Variants in RBFOX1 observed in about 807,000 individuals in gnomAD.
The protein encoded by RBFOX1 is RNA binding protein fox-1 homolog 1.
Under a neutral mutation model 57.7 loss-of-function variants are expected in RBFOX1, and 8 were observed. The ratio of observed to expected loss-of-function variants is 0.14; its 90% CI spans 0.08 to 0.25. The LOEUF is 0.25. RBFOX1 is among the 10% of genes least tolerant of loss of function. RBFOX1 has a pLI of 1.00. For missense variants in RBFOX1, 611 were observed against 548.5 expected (o/e 1.11, Z -1.14); for synonymous variants, 326 against 222.4 (o/e 1.47, Z -4.15).
intron 1 of RBFOX1, among the ~76,000 whole-genome samples, chr16:6,104,222 C>T (rs1335136212): frequency 6.6e-6 from 1 of 151,998 alleles, no homozygotes; most frequent in African/African-American, 2.4e-5. Context: ...TGATGTTTTG[C>T]TATCTGTATG....
chr16:7,394,709 C>T (rs150420816), intron 4 of RBFOX1, among the ~76,000 whole-genome samples: 124 of 152,246 alleles, frequency 8.1e-4, no homozygotes, highest in African/African-American at 2.9e-3. Context: ...TCATGTGCCC[C>T]GGTTGAGGCA....
chr16:5,500,964 C>A (rs564331142), intron 2 of RBFOX1, among the ~76,000 whole-genome samples: 1 of 152,266 alleles, frequency 6.6e-6, no homozygotes, highest in Admixed American at 6.5e-5. Flanking sequence ...TCTTCATGGG[C>A]AGGCATCATA....
At chr16:6,016,365 G>T (rs770486780), upstream of RBFOX1, among the ~76,000 whole-genome samples, 1 of 152,168 alleles carries the variant, frequency 6.6e-6, no homozygotes, top group South Asian at 2.1e-4. Flanking sequence ...GTATGTAAGG[G>T]TATTCCTGGT....
At chr16:6,173,703 G>A (rs1374208567) in intron 1 of RBFOX1, among the ~76,000 whole-genome samples, 1 of 140,304 alleles carries the variant, frequency 7.1e-6, no homozygotes, top group Non-Finnish European at 1.5e-5. Flanking sequence ...TCTGCCTCTC[G>A]GGTTCAAGTG....
intron 4 of RBFOX1, among the ~76,000 whole-genome samples, chr16:7,456,060 G>A (rs970734477): frequency 6.6e-6 from 1 of 152,096 alleles, no homozygotes; most frequent in Non-Finnish European, 1.5e-5. Flanking sequence ...CCCCGCATGT[G>A]GTCTTATGCT....
At position 7,418,801 on chromosome 16, in the gene RBFOX1, C is replaced by CCT. The variant is rs926904767; in HGVS notation, c.28-99343_28-99342dup. Among the ~76,000 whole-genome samples, 94 of 112,032 alleles carry CCT rather than the reference C, an allele frequency of 8.4e-4. 1 individual carries two copies. The highest frequency in any genetic ancestry group is 3.0e-3 in the African/African-American group (83 of 27,778). The allele number at this position is 112,032 out of a possible 152,430, so 73.5% of individuals were successfully genotyped here. A position where few individuals can be genotyped will look rare whatever the true frequency, so the allele number is the denominator to read the frequency against. On this transcript the variant is annotated intron_variant, in intron 4 of 15. Transcript: ENST00000550418. Reference sequence around the variant, plus strand: ...CTCTATCTCTGTCTTTCTCTGTCTTCCTCTGTCTCTCTCACCTCTTTTTTC... The same window carrying CCT: ...CTCTATCTCTGTCTTTCTCTGTCTTCCTCTCTGTCTCTCTCACCTCTTTTTTC...
At chr16:7,707,410 G>C (rs547584850) in intron 14 of RBFOX1, among the ~76,000 whole-genome samples, 7 of 152,262 alleles carry the variant, frequency 4.6e-5, no homozygotes, top group African/African-American at 1.7e-4. Flanking sequence ...AACAGGAAAG[G>C]AGAGGGAAAA....
At chr16:5,598,939 C>T (rs1380949680) in exon 3 of RBFOX1, 2 of 1,533,290 alleles carry the variant, frequency 1.3e-6, no homozygotes, top group African/African-American at 2.7e-5. Context: ...CTCCCCGGTG[C>T]CAAGAACAGC....
chr16:5,598,909 A>T (rs567724135), exon 3 of RBFOX1: 2 of 1,523,742 alleles, frequency 1.3e-6, no homozygotes, highest in Middle Eastern at 1.7e-4. Context: ...CAGGACTACA[A>T]GTCTGAAAAT....
intron 1 of RBFOX1, among the ~76,000 whole-genome samples, chr16:6,269,427 C>G (rs998275320): frequency 1.3e-5 from 2 of 152,120 alleles, no homozygotes; most frequent in Non-Finnish European, 2.9e-5. Flanking sequence ...GAAATCCACA[C>G]CAAGTCACAT....
At chr16:6,815,860 A>T (rs188661831) in intron 3 of RBFOX1, among the ~76,000 whole-genome samples, 61 of 151,598 alleles carry the variant, frequency 4.0e-4, no homozygotes, top group African/African-American at 1.5e-3. Context: ...GTCAACACTC[A>T]GTCTGTTTGA....
chr16:5,306,076 T>C (rs1037292335), intron 1 of RBFOX1, among the ~76,000 whole-genome samples: 1 of 127,080 alleles, frequency 7.9e-6, no homozygotes, highest in Non-Finnish European at 2.0e-5. Context: ...TGGAGTGCAC[T>C]GGGAGTCCCA....
At chr16:6,587,836 C>G (rs866578111) in intron 2 of RBFOX1, among the ~76,000 whole-genome samples, 12 of 152,330 alleles carry the variant, frequency 7.9e-5, no homozygotes, top group African/African-American at 2.6e-4. Context: ...TTTACTTTCT[C>G]TTTCTACCCT....
At chr16:6,713,609 A>G (rs572083211) in intron 3 of RBFOX1, among the ~76,000 whole-genome samples, 14 of 152,190 alleles carry the variant, frequency 9.2e-5, no homozygotes, top group African/African-American at 3.4e-4. Flanking sequence ...AAAAATAAAA[A>G]TCCTTCCTTT....
At chr16:7,308,499 G>A (rs749840842) in intron 4 of RBFOX1, among the ~76,000 whole-genome samples, 72 of 152,058 alleles carry the variant, frequency 4.7e-4, no homozygotes, top group Admixed American at 1.1e-3. Flanking sequence ...CATTAGAGGG[G>A]GCAGAAAAGA....
chr16:5,929,471 C>A (rs917207827), intron 4 of RBFOX1, among the ~76,000 whole-genome samples: 1 of 152,122 alleles, frequency 6.6e-6, no homozygotes, highest in Non-Finnish European at 1.5e-5. Context: ...AGTTTCCTCT[C>A]CTATAAGACA....
At chr16:7,340,145 A>G (rs2096865939) in intron 4 of RBFOX1, among the ~76,000 whole-genome samples, 1 of 152,252 alleles carries the variant, frequency 6.6e-6, no homozygotes, top group Admixed American at 6.5e-5. Flanking sequence ...AGAAAGCTGC[A>G]TAGACTATGA....
chr16:7,322,364 C>T (rs2096556774), intron 4 of RBFOX1, among the ~76,000 whole-genome samples: 1 of 152,242 alleles, frequency 6.6e-6, no homozygotes, highest in Non-Finnish European at 1.5e-5. Context: ...CTGGCAGGTT[C>T]ATAGCGTCAA....
chr16:5,279,560 G>C (rs1340476194), intron 1 of RBFOX1, among the ~76,000 whole-genome samples: 1 of 152,074 alleles, frequency 6.6e-6, no homozygotes, highest in Non-Finnish European at 1.5e-5. Flanking sequence ...GGAGTGCAGT[G>C]GTGCAATCTT....
Sources: gnomAD v4.1 joint callset for allele counts (sites outside exome capture counted in the v4.1 genomes callset) on GRCh38, gnomAD v4.1.1 for gene constraint, MANE v1.5 for transcripts, NCBI Gene and HGNC (gene_info 2026-07-23, HGNC 2026-07-21) for gene names.